Variants in SHROOM4 observed in about 807,000 individuals in gnomAD.
SHROOM4 encodes protein Shroom4.
SHROOM4 carries 17 observed loss-of-function variants against 80.3 expected under a neutral mutation model. The ratio of observed to expected loss-of-function variants is 0.21; its 90% CI spans 0.14 to 0.32. The LOEUF is 0.32. Among genes scored for constraint, SHROOM4 ranks in the 10% least tolerant of loss-of-function variants. The probability of loss-of-function intolerance (pLI) is 1.00; values close to 1 mark genes in which losing one functional copy is unlikely to be tolerated. For missense variants in SHROOM4, 993 were observed against 1,140.3 expected (o/e 0.87, Z 1.86); for synonymous variants, 400 against 437.5 (o/e 0.91, Z 1.07).
chrX:50,677,350 T>C (rs1434056731), intron 2 of SHROOM4, among the ~76,000 whole-genome samples: 3 of 111,456 alleles, frequency 2.7e-5, no homozygotes, highest in Non-Finnish European at 3.8e-5. Flanking sequence ...TTTTTAAAAA[T>C]TGTTCTACAA....
intron 1 of SHROOM4, among the ~76,000 whole-genome samples, chrX:50,742,933 T>C (rs782688980): frequency 1.8e-5 from 2 of 112,341 alleles, no homozygotes; most frequent in Admixed American, 9.4e-5. Context: ...GTTTGTATGG[T>C]TCTCCCCATT....
chrX:50,787,365 A>G (rs1935765032), intron 1 of SHROOM4, among the ~76,000 whole-genome samples: 1 of 111,723 alleles, frequency 9.0e-6, no homozygotes, highest in South Asian at 3.8e-4. Context: ...TTATACAGTC[A>G]GAGGAGGAAA....
chrX:50,701,184 A>G (rs1462638866), intron 1 of SHROOM4, among the ~76,000 whole-genome samples: 1 of 112,094 alleles, frequency 8.9e-6, no homozygotes, highest in African/African-American at 3.2e-5. Context: ...CCTGGGGATT[A>G]GCTCCAGTCA....
Position 50,634,151 on chromosome X carries a change from G to A in SHROOM4, c.1922C>T (p.Ser641Phe), listed in dbSNP as rs782241607. Reference protein sequence around the residue: ...PLTASNTSLLSSCKKPPSPRD... With the variant: ...PLTASNTSLLFSCKKPPSPRD... The stretch of plus-strand genomic sequence containing the variant: ...GGGGCTGGGAGGTTTTTTACATGAA[G>A]ATAGAAGAGATGTGTTAGAGGCAGT... The change falls in exon 4 of 9, where the codon TCT becomes TTT. Residue 641 changes from serine to phenylalanine, a missense_variant. Coordinates refer to ENST00000376020, the MANE Select transcript of SHROOM4 (RefSeq NM_020717.5). The A allele has an allele frequency of 1.6e-5, 19 of 1,209,771 alleles. No homozygotes were observed. The East Asian group carries it at 5.0e-4, about 32-fold the overall frequency.
chrX:50,782,647 C>G (rs969308428), intron 1 of SHROOM4, among the ~76,000 whole-genome samples: 1 of 111,566 alleles, frequency 9.0e-6, no homozygotes, highest in Non-Finnish European at 1.9e-5. Flanking sequence ...TACATACAAT[C>G]GATACACACA....
chrX:50,735,817 C>T (rs1934473063), intron 1 of SHROOM4, among the ~76,000 whole-genome samples: 1 of 110,366 alleles, frequency 9.1e-6, no homozygotes, highest in South Asian at 3.9e-4. Flanking sequence ...ACCAGCCTGG[C>T]CAATATAGTG....
intron 1 of SHROOM4, among the ~76,000 whole-genome samples, chrX:50,774,855 C>A (rs989727153): frequency 6.3e-5 from 7 of 111,390 alleles, no homozygotes; most frequent in African/African-American, 2.3e-4. Context: ...TATCAGGAGG[C>A]AAACTATTTA....
intron 2 of SHROOM4, among the ~76,000 whole-genome samples, chrX:50,660,293 G>A (rs188953159): frequency 1.8e-5 from 2 of 111,306 alleles, no homozygotes; most frequent in African/African-American, 6.5e-5. Context: ...GATCTGGGGT[G>A]GAGCTGAATT....
At chrX:50,720,055 G>C (rs1934068073) in intron 1 of SHROOM4, among the ~76,000 whole-genome samples, 1 of 111,807 alleles carries the variant, frequency 8.9e-6, no homozygotes, top group Admixed American at 9.5e-5. Flanking sequence ...CCCACTCATA[G>C]GCAATTTTGT....
chrX:50,739,199 T>C (rs1934583251), intron 1 of SHROOM4, among the ~76,000 whole-genome samples: 1 of 110,681 alleles, frequency 9.0e-6, no homozygotes, highest in African/African-American at 3.3e-5. Context: ...ATTAAAGACT[T>C]ACATGTTAGA....
chrX:50,651,846 T>C (rs1932086892), intron 2 of SHROOM4, among the ~76,000 whole-genome samples: 2 of 110,698 alleles, frequency 1.8e-5, no homozygotes, highest in Non-Finnish European at 3.8e-5. Flanking sequence ...GGTTTTCTGT[T>C]CCTGTGTTAG....
intron 1 of SHROOM4, among the ~76,000 whole-genome samples, chrX:50,735,070 A>G (rs1184604180): frequency 9.0e-6 from 1 of 111,436 alleles, no homozygotes; most frequent in Non-Finnish European, 1.9e-5. Flanking sequence ...ACACTTCCCA[A>G]TTTAAAACTT....
chrX:50,716,761 A>C (rs909520045), intron 1 of SHROOM4, among the ~76,000 whole-genome samples: 4 of 111,835 alleles, frequency 3.6e-5, no homozygotes, highest in Non-Finnish European at 5.6e-5. Flanking sequence ...AGAACTGAGA[A>C]ACTTTGACAC....
At chrX:50,606,670 T>G (rs1929686534) in intron 6 of SHROOM4, among the ~76,000 whole-genome samples, 1 of 110,614 alleles carries the variant, frequency 9.0e-6, no homozygotes, top group Admixed American at 9.5e-5. Context: ...CTGGCAGTCC[T>G]GCTGCCAGAA....
In SHROOM4 at chrX:50,760,886, C is replaced by T. The variant is rs185684361; in HGVS notation, c.117+53016G>A. On this transcript the variant is annotated intron_variant, in intron 1 of 8. Coordinates refer to ENST00000376020, the MANE Select transcript of SHROOM4 (RefSeq NM_020717.5). Reference sequence around the variant, plus strand: ...ATTCACATTCACATTATTATTAATACAGTTGAATTAATATCTGCCATTTGC... The same window carrying T: ...ATTCACATTCACATTATTATTAATATAGTTGAATTAATATCTGCCATTTGC... 8.9e-5 allele frequency among the ~76,000 whole-genome samples: 10 copies of T among 111,754 alleles called. No homozygotes were observed. In the East Asian group the frequency reaches 2.5e-3, roughly 28 times the overall value.
At chrX:50,636,131 A>G (rs782701082) in intron 3 of SHROOM4, among the ~76,000 whole-genome samples, 78 of 110,481 alleles carry the variant, frequency 7.1e-4, no homozygotes, top group African/African-American at 2.3e-3. Context: ...CATGTGCGTC[A>G]GAATCACATG....
intron 2 of SHROOM4, among the ~76,000 whole-genome samples, chrX:50,693,000 G>A (rs192105413): frequency 1.4e-3 from 153 of 111,511 alleles, no homozygotes; most frequent in Middle Eastern, 4.6e-3. Context: ...TTAGGTTTGG[G>A]GCATGTTGTG....
intron 1 of SHROOM4, among the ~76,000 whole-genome samples, chrX:50,803,342 G>C (rs1238237217): frequency 1.8e-5 from 2 of 112,442 alleles, no homozygotes; most frequent in Non-Finnish European, 3.8e-5. Flanking sequence ...TCAGCTCCTA[G>C]AACAGGCACT....
intron 2 of SHROOM4, among the ~76,000 whole-genome samples, chrX:50,657,235 G>A (rs936318422): frequency 1.8e-5 from 2 of 111,181 alleles, no homozygotes; most frequent in Non-Finnish European, 3.8e-5. Context: ...CAATTGATAT[G>A]GCTTTTATTT....
Sources: gnomAD v4.1 joint callset for allele counts (sites outside exome capture counted in the v4.1 genomes callset) on GRCh38, gnomAD v4.1.1 for gene constraint, MANE v1.5 for transcripts, NCBI Gene and HGNC (gene_info 2026-07-23, HGNC 2026-07-21) for gene names.